Variants in FBXO16 observed in about 807,000 individuals in gnomAD.
FBXO16 encodes F-box protein 16, also known as F-box only protein 16.
In FBXO16, 31 loss-of-function variants were observed where a neutral mutation model predicts 41.0. The observed-to-expected ratio is 0.76, with a 90% confidence interval of 0.57 to 1.02. FBXO16 has a LOEUF of 1.02. FBXO16 is among the 50% of genes least tolerant of loss of function. The probability of loss-of-function intolerance (pLI) is 0.00; values close to 1 mark genes in which losing one functional copy is unlikely to be tolerated. For synonymous variants in FBXO16, 133 were observed against 117.8 expected, an observed-to-expected ratio of 1.13 and a Z score of -0.84; for missense variants, 361 against 346.2, an observed-to-expected ratio of 1.04 and a Z score of -0.34.
intron 8 of FBXO16, among the ~76,000 whole-genome samples, chr8:28,429,087 GGGGCTAGAGACTT>G (rs1360603245): frequency 6.6e-6 from 1 of 152,134 alleles, no homozygotes; most frequent in Admixed American, 6.6e-5. Flanking sequence ...TGTCACAGCT[GGGGCTAGAGACTT>G]GGGATTTTTA....
intron 1 of FBXO16, among the ~76,000 whole-genome samples, chr8:28,486,231 CT>C (rs77530234): frequency 0.56 from 80,789 of 144,262 alleles, 22,454 homozygotes; most frequent in East Asian, 0.69. Flanking sequence ...TCTTCTTCTT[CT>C]TTTTTTTTTT....
At chr8:28,463,983 C>G (rs1289132543) in intron 3 of FBXO16, among the ~76,000 whole-genome samples, 165 bp from the exon 4 acceptor site, 1 of 152,212 alleles carries the variant, frequency 6.6e-6, no homozygotes, top group Non-Finnish European at 1.5e-5. Flanking sequence ...CCTATCTTCT[C>G]TCACATTTAT....
intron 7 of FBXO16, among the ~76,000 whole-genome samples, chr8:28,431,149 G>A (rs927458645): frequency 2.0e-5 from 3 of 152,120 alleles, no homozygotes; most frequent in Non-Finnish European, 2.9e-5. Context: ...CTGAGTCCCC[G>A]GGCAGTTCAC....
At chr8:28,435,425 C>T (rs1421508156) in intron 7 of FBXO16, among the ~76,000 whole-genome samples, 7 of 152,054 alleles carry the variant, frequency 4.6e-5, no homozygotes, top group East Asian at 1.9e-4. Context: ...CTGCCCACCT[C>T]GGCCTCCCAA....
chr8:28,433,563 T>C (rs995845872), intron 7 of FBXO16, among the ~76,000 whole-genome samples: 1 of 152,230 alleles, frequency 6.6e-6, no homozygotes, highest in Non-Finnish European at 1.5e-5. Flanking sequence ...GACTTTTCCC[T>C]TCCTGGGCCG....
intron 2 of FBXO16, among the ~76,000 whole-genome samples, chr8:28,475,085 T>TC (rs561048771): frequency 6.7e-4 from 102 of 152,304 alleles, no homozygotes; most frequent in Admixed American, 2.9e-3. Flanking sequence ...TTGATGTTTT[T>TC]CCCTCCTCTT....
At position 28,429,375 on chromosome 8, in the gene FBXO16, C is replaced by T. The variant is rs1316189982; in HGVS notation, c.869+3G>A. On this transcript the variant is annotated splice_donor_region_variant and intron_variant, in intron 8 of 8. Coordinates refer to ENST00000380254, the MANE Select transcript of FBXO16 (RefSeq NM_172366.4). ...ACAGGTTGATATCACAACCGAAACTCACAGTGGGAAGGGATTTCTCCTCGA... is the reference window on the plus strand; with the variant it reads ...ACAGGTTGATATCACAACCGAAACTTACAGTGGGAAGGGATTTCTCCTCGA... 1 of 1,613,906 alleles carries T rather than the reference C, an allele frequency of 6.2e-7. No individual in the cohort carries two copies. The highest frequency in any genetic ancestry group is 8.5e-7 in the Non-Finnish European group (1 of 1,179,936).
At chr8:28,438,024 T>C (rs572979492) in intron 7 of FBXO16, among the ~76,000 whole-genome samples, 3 of 152,252 alleles carry the variant, frequency 2.0e-5, no homozygotes, top group Non-Finnish European at 4.4e-5. Context: ...CAGTGGAAAC[T>C]GACTATAAGG....
rs202120271 is a variant in FBXO16, at chr8:28,428,734, C to T, written c.872G>A (p.Cys291Tyr). The change falls in exon 9 of 9, where the codon TGT becomes TAT. Residue 291 changes from cysteine to tyrosine, a missense_variant and splice_region_variant. Physicochemically the swap from Cys to Tyr is radical, Grantham distance 194. Coordinates refer to ENST00000380254, the MANE Select transcript of FBXO16 (RefSeq NM_172366.4). The stretch of plus-strand genomic sequence containing the variant: ...TTAGGGGAGAGCTGGCACTTAGGGA[C>T]ATCTAGAAAGGAAAAAGGAATCATG... ...MMSRRNPFPL[C>Y]P The T allele has an allele frequency of 2.0e-6, 3 of 1,531,654 alleles. No homozygotes were observed. Among genetic ancestry groups the T allele is most frequent in the East Asian group, 4.8e-5 (2 of 41,336 alleles). 94.9% of individuals were successfully genotyped at this position (1,531,654 alleles called of 1,614,324 possible).
Position 28,442,422 on chromosome 8 carries a change from C to T in FBXO16, c.843+4749G>A, listed in dbSNP as rs368932991. On this transcript the variant is annotated intron_variant, in intron 7 of 8. Coordinates refer to ENST00000380254, the MANE Select transcript of FBXO16 (RefSeq NM_172366.4). Reference sequence around the variant, plus strand: ...TTTTTGAGACAGAGTCTTGCTCTGTCGCCCAGGCTGGAGCGCAATGGTGCG... The same window carrying T: ...TTTTTGAGACAGAGTCTTGCTCTGTTGCCCAGGCTGGAGCGCAATGGTGCG... Among the ~76,000 whole-genome samples the T allele has an allele frequency of 2.0e-3, 307 of 152,202 alleles. 2 individuals are homozygous for T. Among genetic ancestry groups the T allele is most frequent in the African/African-American group, 6.8e-3 (281 of 41,514 alleles).
chr8:28,439,972 G>C (rs554806817), intron 7 of FBXO16, among the ~76,000 whole-genome samples: 15 of 85,588 alleles, frequency 1.8e-4, no homozygotes, highest in African/African-American at 8.0e-4. Flanking sequence ...TGAATGTAAC[G>C]GATTTTTTTT....
intron 7 of FBXO16, among the ~76,000 whole-genome samples, chr8:28,443,878 C>T (rs967482747): frequency 1.3e-5 from 2 of 152,166 alleles, no homozygotes; most frequent in Admixed American, 1.3e-4. Context: ...GCCATGGCAA[C>T]GTCAGAAAAT....
chr8:28,479,250 C>T (rs1803474731), intron 2 of FBXO16, among the ~76,000 whole-genome samples: 1 of 152,174 alleles, frequency 6.6e-6, no homozygotes, highest in Non-Finnish European at 1.5e-5. Flanking sequence ...ACTGAGACTG[C>T]ATTCCAGCCC....
At chr8:28,482,880 T>C (rs1422236676) in intron 2 of FBXO16, among the ~76,000 whole-genome samples, 1 of 151,988 alleles carries the variant, frequency 6.6e-6, no homozygotes, top group East Asian at 1.9e-4. Context: ...CACCCAGCCA[T>C]GAAAATAAAC....
chr8:28,450,655 T>A (rs1802938245), intron 6 of FBXO16, among the ~76,000 whole-genome samples: 1 of 152,218 alleles, frequency 6.6e-6, no homozygotes, highest in African/African-American at 2.4e-5. Context: ...AGGACTCTGA[T>A]CTCAATTATG....
At chr8:28,481,314 A>C (rs938877408) in intron 2 of FBXO16, among the ~76,000 whole-genome samples, 9 of 152,170 alleles carry the variant, frequency 5.9e-5, no homozygotes, top group African/African-American at 2.2e-4. Flanking sequence ...GCAGTGTACT[A>C]GACAAAGGGT....
chr8:28,452,803 AAAAAC>A (rs761550556), intron 5 of FBXO16, among the ~76,000 whole-genome samples: 5 of 152,154 alleles, frequency 3.3e-5, no homozygotes, highest in East Asian at 1.9e-4. Flanking sequence ...CTCCATCTCA[AAAAAC>A]AAAACAAAAC....
Position 28,463,821 on chromosome 8 carries a change from G to A in FBXO16, c.136-3C>T, listed in dbSNP as rs756972969. ...TGAGAGTCTGTCCATTTGTCAAACTGGAAACACAAAACAAAGCAAAATGTA... is the reference window on the plus strand; with the variant it reads ...TGAGAGTCTGTCCATTTGTCAAACTAGAAACACAAAACAAAGCAAAATGTA... On this transcript the variant is annotated splice_polypyrimidine_tract_variant and splice_region_variant and intron_variant, in intron 3 of 8. Transcript: ENST00000380254. 1 of 1,612,830 alleles carries A rather than the reference G, an allele frequency of 6.2e-7. No homozygotes were observed. The highest frequency in any genetic ancestry group is 1.1e-5 in the South Asian group (1 of 91,052).
chr8:28,434,628 C>T lies in FBXO16; in HGVS notation c.844-5225G>A, dbSNP rs145454700. On this transcript the variant is annotated intron_variant, in intron 7 of 8. Coordinates refer to ENST00000380254, the MANE Select transcript of FBXO16 (RefSeq NM_172366.4). Reference sequence around the variant, plus strand: ...CACTTTGTAGAAGATTCACCTCCTCCCTTTAAAAAAATCTCCCTCTCAACG... The same window carrying T: ...CACTTTGTAGAAGATTCACCTCCTCTCTTTAAAAAAATCTCCCTCTCAACG... 7.0e-3 allele frequency among the ~76,000 whole-genome samples: 1,071 copies of T among 152,324 alleles called. 8 individuals are homozygous for T. Among genetic ancestry groups the T allele is most frequent in the African/African-American group, 0.012 (493 of 41,564 alleles).
Sources: allele counts gnomAD v4.1 joint callset (sites outside exome capture counted in the v4.1 genomes callset), GRCh38; gene constraint gnomAD v4.1.1; transcripts MANE v1.5; gene names NCBI Gene and HGNC (gene_info 2026-07-23, HGNC 2026-07-21).